GLT1D1: variants seen among roughly 807,000 people sequenced by gnomAD.
GLT1D1 encodes the protein glycosyltransferase 1 domain containing 1.
Under a neutral mutation model 28.7 loss-of-function variants are expected in GLT1D1, and 21 were observed. The ratio of observed to expected loss-of-function variants is 0.73; its 90% CI spans 0.52 to 1.05. GLT1D1 has a LOEUF of 1.05. Among genes scored for constraint, GLT1D1 ranks in the 50% least tolerant of loss-of-function variants. GLT1D1 has a pLI of 0.00. For missense variants in GLT1D1, 343 were observed against 330.6 expected (o/e 1.04, Z -0.29); for synonymous variants, 147 against 124.8 (o/e 1.18, Z -1.19).
intron 4 of GLT1D1, among the ~76,000 whole-genome samples, chr12:128,919,049 G>T (rs1440955158): frequency 6.6e-6 from 1 of 152,202 alleles, no homozygotes; most frequent in Non-Finnish European, 1.5e-5. Flanking sequence ...GCAGATAACG[G>T]CTTAAGGGTA....
At chr12:128,944,620 A>C in intron 4 of GLT1D1, 1 of 737,528 alleles carries the variant, frequency 1.4e-6, no homozygotes, top group East Asian at 2.8e-5. Context: ...CAGGTTAATC[A>C]CTGTGTCGGT....
At position 128,869,939 on chromosome 12, in the gene GLT1D1, ATT is replaced by A. The variant is rs35487977; in HGVS notation, c.69-5959_69-5958del. Among the ~76,000 whole-genome samples the A allele has an allele frequency of 6.8e-3, 849 of 125,202 alleles. 3 individuals carry two copies. The highest frequency in any genetic ancestry group is 0.017 in the African/African-American group (588 of 34,298). The allele number at this position is 125,202 out of a possible 152,430, so 82.1% of individuals were successfully genotyped here. ...AAAAAAGAGTTCCTGTGTGTATTCT[ATT>A]TTTTTTTTTTTTTTTGAGGCAGAGT... On this transcript the variant is annotated intron_variant, in intron 1 of 7. Transcript: ENST00000281703.
At chr12:128,903,021 CA>C (rs34692166) in intron 4 of GLT1D1, among the ~76,000 whole-genome samples, 4,389 of 114,862 alleles carry the variant, frequency 0.038, 93 homozygotes, top group Middle Eastern at 0.085. Flanking sequence ...GACTCCGTCT[CA>C]AAAAAAAAAA....
chr12:128,920,756 T>G (rs536747712), intron 4 of GLT1D1, among the ~76,000 whole-genome samples: 1 of 152,138 alleles, frequency 6.6e-6, no homozygotes, highest in Non-Finnish European at 1.5e-5. Context: ...GTTTTGAAGA[T>G]AAAAATACCG....
chr12:128,969,138 C>T (rs2461528), intron 7 of GLT1D1, among the ~76,000 whole-genome samples: 12 of 126,662 alleles, frequency 9.5e-5, no homozygotes, highest in African/African-American at 2.5e-4. Context: ...TAGCCTTCCT[C>T]CCTCTCAGTC....
At chr12:128,908,780 T>C (rs564080949) in intron 4 of GLT1D1, among the ~76,000 whole-genome samples, 3 of 151,930 alleles carry the variant, frequency 2.0e-5, no homozygotes, top group Non-Finnish European at 4.4e-5. Flanking sequence ...AAACCCCGTC[T>C]CTACTAAAAA....
intron 4 of GLT1D1, chr12:128,906,844 T>G (rs1483927164): frequency 1.4e-6 from 1 of 694,606 alleles, no homozygotes; most frequent in Non-Finnish European, 2.6e-6. Flanking sequence ...AGGCAAAACC[T>G]AAAGTGTAAT....
intron 4 of GLT1D1, among the ~76,000 whole-genome samples, chr12:128,937,204 T>C (rs1284168682): frequency 2.6e-5 from 4 of 152,218 alleles, no homozygotes; most frequent in South Asian, 2.1e-4. Context: ...AAGGCTTTCA[T>C]TGGACTGTGT....
chr12:128,916,715 A>T (rs940797041), intron 4 of GLT1D1, among the ~76,000 whole-genome samples: 1 of 152,038 alleles, frequency 6.6e-6, no homozygotes, highest in Non-Finnish European at 1.5e-5. Flanking sequence ...GGTTTGTAGA[A>T]CTTCCTTATA....
chr12:128,870,887 AG>A (rs1391587115), intron 1 of GLT1D1, among the ~76,000 whole-genome samples: 3 of 152,296 alleles, frequency 2.0e-5, no homozygotes, highest in Admixed American at 2.0e-4. Context: ...GCTATTCTGG[AG>A]GCTGAGACAC....
At chr12:128,931,420 G>C (rs1873873248) in intron 4 of GLT1D1, among the ~76,000 whole-genome samples, 1 of 151,432 alleles carries the variant, frequency 6.6e-6, no homozygotes, top group Admixed American at 6.6e-5. Context: ...CGACTCTCCT[G>C]TCTCAGCCTC....
Position 128,983,197 on chromosome 12 carries a change from C to A in GLT1D1, c.*107C>A. On this transcript the variant is annotated 3_prime_UTR_variant, in exon 8 of 8. Transcript: ENST00000281703. This position sits in a 1 kb window ranked among gnomAD's most constrained non-coding sequence, Gnocchi z 4.7. ...CCCAGTGCAGTTCAAATAAAACCAG[C>A]CTCAGCGGAATCCTAGAAAATGTTA... is the stretch of plus-strand genomic sequence containing the variant. 2.0e-6 allele frequency: 2 copies of A among 990,092 alleles called. No individual in the cohort carries two copies. The highest frequency in any genetic ancestry group is 2.2e-5 in the Admixed American group (1 of 45,196). The allele number at this position is 990,092 out of a possible 1,614,324, so 61.3% of individuals were successfully genotyped here. A position where few individuals can be genotyped will look rare whatever the true frequency, so the allele number is the denominator to read the frequency against.
intron 7 of GLT1D1, among the ~76,000 whole-genome samples, chr12:128,963,902 A>G (rs1237342156): frequency 1.3e-5 from 2 of 152,230 alleles, no homozygotes; most frequent in African/African-American, 2.4e-5. Flanking sequence ...TCGGCCCATC[A>G]TGAGCGACAC....
intron 6 of GLT1D1, among the ~76,000 whole-genome samples, chr12:128,956,025 G>A (rs896451617): frequency 2.0e-5 from 3 of 151,564 alleles, no homozygotes; most frequent in Non-Finnish European, 4.4e-5. Flanking sequence ...CGGGCGTGAT[G>A]GCGGGCGCCT....
At chr12:128,884,216 T>C (rs900534668) in intron 2 of GLT1D1, among the ~76,000 whole-genome samples, 1 of 152,132 alleles carries the variant, frequency 6.6e-6, no homozygotes, top group Non-Finnish European at 1.5e-5. Flanking sequence ...ATATATGTAA[T>C]GGAAAACGAA....
At chr12:128,856,756 C>T (rs1318364615) in intron 1 of GLT1D1, among the ~76,000 whole-genome samples, 1 of 151,826 alleles carries the variant, frequency 6.6e-6, no homozygotes, top group Non-Finnish European at 1.5e-5. Flanking sequence ...GTAATTACCA[C>T]TAAAAAAAAC....
In GLT1D1 at chr12:128,880,155, C is replaced by T. The variant is rs150478159; in HGVS notation, c.217+4093C>T. 5.4e-4 allele frequency among the ~76,000 whole-genome samples: 82 copies of T among 152,320 alleles called. 1 individual carries two copies. The highest frequency in any genetic ancestry group is 1.0e-3 in the Admixed American group (16 of 15,292). Reference sequence around the variant, plus strand: ...ACAGATGGGCAAGGACTTATTTCTCCTCTAGTCAGATTGCTGGATTTTTGT... The same window carrying T: ...ACAGATGGGCAAGGACTTATTTCTCTTCTAGTCAGATTGCTGGATTTTTGT... On this transcript the variant is annotated intron_variant, in intron 2 of 7. Coordinates refer to ENST00000281703, the MANE Select transcript of GLT1D1 (RefSeq NM_144669.3).
At chr12:128,942,263 T>G (rs1203931870) in intron 4 of GLT1D1, among the ~76,000 whole-genome samples, 1 of 152,200 alleles carries the variant, frequency 6.6e-6, no homozygotes, top group Non-Finnish European at 1.5e-5. Context: ...AATGTATGCC[T>G]GATAACCTAG....
At chr12:128,947,309 A>T (rs1876228066) in intron 5 of GLT1D1, 29 bp from the exon 10 acceptor site, 2 of 1,613,270 alleles carry the variant, frequency 1.2e-6, no homozygotes, top group Non-Finnish European at 1.7e-6. Context: ...TCTTGGAATC[A>T]GAGCCACTCT....
Sources: allele counts gnomAD v4.1 joint callset (sites outside exome capture counted in the v4.1 genomes callset), GRCh38; gene constraint gnomAD v4.1.1; non-coding constraint Gnocchi (gnomAD v3.1); transcripts MANE v1.5; gene names NCBI Gene and HGNC (gene_info 2026-07-23, HGNC 2026-07-21).